PIP4P2: variants seen among roughly 807,000 people sequenced by gnomAD.
The protein encoded by PIP4P2 is phosphatidylinositol-4,5-bisphosphate 4-phosphatase 2, also known as type 2 phosphatidylinositol 4,5-bisphosphate 4-phosphatase.
A neutral mutation model predicts 33.3 loss-of-function variants in PIP4P2; 19 were observed. The observed-to-expected ratio is 0.57, with a 90% CI of 0.40 to 0.84. The LOEUF is 0.84. Among genes scored for constraint, PIP4P2 ranks in the 40% least tolerant of loss-of-function variants. The pLI is 0.00. For synonymous variants in PIP4P2, 110 were observed against 111.9 expected (o/e 0.98, Z 0.11); for missense variants, 270 against 324.7 (o/e 0.83, Z 1.29).
rs1038218363 is a variant in PIP4P2, at chr8:90,994,595, A to C, written c.*1082T>G. The C allele has an allele frequency of 2.0e-5, 3 of 152,496 alleles. No homozygotes were observed. The highest frequency in any genetic ancestry group is 4.4e-5 in the Non-Finnish European group (3 of 67,936). The allele number at this position is 152,496 out of a possible 1,614,324, so 9.4% of individuals were successfully genotyped here. A position where few individuals can be genotyped will look rare whatever the true frequency, so the allele number is the denominator to read the frequency against. ...GAGCTGATTCCATAAATTTCAATGAATTCTTAGAAAATTATGTTGTTCTTT... is the reference window on the plus strand; with the variant it reads ...GAGCTGATTCCATAAATTTCAATGACTTCTTAGAAAATTATGTTGTTCTTT... On this transcript the variant is annotated 3_prime_UTR_variant, in exon 7 of 7. Coordinates refer to ENST00000285419, the MANE Select transcript of PIP4P2 (RefSeq NM_018710.3).
intron 1 of PIP4P2, among the ~76,000 whole-genome samples, chr8:91,022,104 T>C (rs1812018727): frequency 6.6e-6 from 1 of 152,112 alleles, no homozygotes; most frequent in African/African-American, 2.4e-5. Context: ...TAAAAAAATG[T>C]AGTATGTGGG....
intron 1 of PIP4P2, among the ~76,000 whole-genome samples, chr8:91,029,050 T>TGG (rs1812121341): frequency 6.6e-6 from 1 of 152,156 alleles, no homozygotes; most frequent in African/African-American, 2.4e-5. Flanking sequence ...CCCAGCACTT[T>TGG]GGGAGACCAA....
At chr8:91,019,236 T>A (rs1811964248) in intron 3 of PIP4P2, among the ~76,000 whole-genome samples, 1 of 150,750 alleles carries the variant, frequency 6.6e-6, no homozygotes, top group Admixed American at 6.6e-5. Flanking sequence ...CACTTGCAGG[T>A]GAAGATTAAT....
intron 4 of PIP4P2, 64 bp downstream of exon 4, chr8:91,018,326 G>T (rs1466094427): frequency 1.9e-6 from 3 of 1,606,320 alleles, no homozygotes; most frequent in Non-Finnish European, 2.6e-6. Context: ...ACTATGAGCA[G>T]TGCTCTAATC....
chr8:90,996,794 T>A, intron 5 of PIP4P2, 50 bp from the exon 6 acceptor site: 1 of 1,457,764 alleles, frequency 6.9e-7, no homozygotes. Context: ...ACATAAAAAT[T>A]CTCTATTTCA....
rs915358683 is a variant in PIP4P2, at chr8:91,040,850, A to C, written c.-101T>G. On this transcript the variant is annotated 5_prime_UTR_variant, in exon 1 of 7. Coordinates refer to ENST00000285419, the MANE Select transcript of PIP4P2 (RefSeq NM_018710.3). ...CCTCTGCTGCCGCTGCTGCCGCTGC[A>C]GCTGCTGCTGCTGCCGCCTCCGGGA... 95 of 1,019,472 alleles carry C rather than the reference A, an allele frequency of 9.3e-5. No individual in the cohort carries two copies. Among genetic ancestry groups the C allele is most frequent in the Non-Finnish European group, 1.2e-4 (88 of 715,048 alleles). 63.2% of individuals were successfully genotyped at this position (1,019,472 alleles called of 1,614,324 possible). A position where few individuals can be genotyped will look rare whatever the true frequency, so the allele number is the denominator to read the frequency against.
At chr8:91,027,478 A>G (rs1812099259) in intron 1 of PIP4P2, among the ~76,000 whole-genome samples, 1 of 152,070 alleles carries the variant, frequency 6.6e-6, no homozygotes, top group Non-Finnish European at 1.5e-5. Flanking sequence ...ACTAAGGTCA[A>G]ATCTCAACAT....
rs934341470 is a variant in PIP4P2 at position 90,995,796 on chromosome 8, G to A, written c.655C>T (p.Arg219Ter). 3 of 1,607,020 alleles carry A rather than the reference G, an allele frequency of 1.9e-6. No individual in the cohort carries two copies. Among genetic ancestry groups the A allele is most frequent in the African/African-American group, 1.3e-5 (1 of 74,644 alleles). The part of the protein sequence containing the change: ...LTVGTPDFAR[R>*]FRATYVSWAI... The stretch of plus-strand genomic sequence containing the variant: ...CAAGAAACATAGGTTGCTCGAAATC[G>A]CCTTGCAAAATCTGGGGTGCCAACC... The change falls in exon 7 of 7, where the codon CGA (arginine) becomes TGA (stop). Residue 219 changes from arginine to a stop codon, truncating the protein, a stop_gained. Coordinates refer to ENST00000285419, the MANE Select transcript of PIP4P2 (RefSeq NM_018710.3). LOFTEE classifies it high-confidence loss of function.
intron 4 of PIP4P2, among the ~76,000 whole-genome samples, chr8:91,012,016 T>C (rs574396827): frequency 9.2e-5 from 14 of 152,054 alleles, no homozygotes; most frequent in African/African-American, 3.1e-4. Flanking sequence ...TTGAGAGAAT[T>C]CTCTCTCAGG....
In PIP4P2 at chr8:91,037,179, A is replaced by G. The variant is rs189699714; in HGVS notation, c.106+3465T>C. On this transcript the variant is annotated intron_variant, in intron 1 of 6. Coordinates refer to ENST00000285419, the MANE Select transcript of PIP4P2 (RefSeq NM_018710.3). Reference sequence around the variant, plus strand: ...TCAAGGGGAGGAAACTGAATATCAGAAGACATAGTTCTTTGAAGGGGAAAG... The same window carrying G: ...TCAAGGGGAGGAAACTGAATATCAGGAGACATAGTTCTTTGAAGGGGAAAG... Among the ~76,000 whole-genome samples the G allele has an allele frequency of 2.0e-5, 3 of 152,354 alleles. No homozygotes were observed. The East Asian group carries it at 5.8e-4, about 29-fold the overall frequency.
rs1812196984 is a variant in PIP4P2 at position 91,033,445 on chromosome 8, C to A, written c.106+7199G>T. 2.0e-5 allele frequency among the ~76,000 whole-genome samples: 3 copies of A among 152,316 alleles called. No individual in the cohort carries two copies. In the East Asian group the frequency reaches 5.8e-4, roughly 29 times the overall value. ...AAGTCCTGTTTAAAATACATCCTGACACCAACCACACCTCAGTGCTTCTGT... is the reference window on the plus strand; with the variant it reads ...AAGTCCTGTTTAAAATACATCCTGAAACCAACCACACCTCAGTGCTTCTGT... On this transcript the variant is annotated intron_variant, in intron 1 of 6. Transcript: ENST00000285419.
intron 1 of PIP4P2, among the ~76,000 whole-genome samples, chr8:91,034,867 G>T (rs938583481): frequency 6.6e-6 from 1 of 152,168 alleles, no homozygotes; most frequent in African/African-American, 2.4e-5. Context: ...CTGCCAAAAT[G>T]TATTCAATCT....
chr8:91,010,044 G>A (rs556125690), intron 4 of PIP4P2, among the ~76,000 whole-genome samples: 69 of 151,834 alleles, frequency 4.5e-4, no homozygotes, highest in Non-Finnish European at 4.0e-4. Context: ...CATTAATTAT[G>A]AGAGAATTAC....
At chr8:91,025,407 T>G (rs952591078) in intron 1 of PIP4P2, among the ~76,000 whole-genome samples, 19 of 152,208 alleles carry the variant, frequency 1.2e-4, no homozygotes, top group African/African-American at 4.6e-4. Flanking sequence ...ATCTATTTTA[T>G]GCCAAACAGC....
At chr8:91,029,239 C>T (rs57609704) in intron 1 of PIP4P2, among the ~76,000 whole-genome samples, 6,780 of 151,396 alleles carry the variant, frequency 0.045, 217 homozygotes, top group African/African-American at 0.086. Flanking sequence ...TGCAGTGAGC[C>T]AAGATCGTGC....
intron 1 of PIP4P2, among the ~76,000 whole-genome samples, chr8:91,027,162 C>T (rs552209199): frequency 6.6e-6 from 1 of 152,344 alleles, no homozygotes; most frequent in East Asian, 1.9e-4. Context: ...AGTAATTCCA[C>T]AGCCTTACTA....
chr8:91,020,828 T>C (rs999700779), intron 2 of PIP4P2, among the ~76,000 whole-genome samples: 6 of 152,118 alleles, frequency 3.9e-5, no homozygotes, highest in African/African-American at 1.4e-4. Context: ...AGAAAAACAA[T>C]AGTGACATCC....
At chr8:91,024,457 T>C (rs1485400271) in intron 1 of PIP4P2, 1 of 293,532 alleles carries the variant, frequency 3.4e-6, no homozygotes, top group Non-Finnish European at 6.8e-6. Context: ...AACTTAGATT[T>C]ATTCATTTTG....
intron 1 of PIP4P2, among the ~76,000 whole-genome samples, chr8:91,024,559 G>C (rs1410323326): frequency 6.6e-6 from 1 of 152,098 alleles, no homozygotes; most frequent in Admixed American, 6.5e-5. Context: ...CGGTAGCTGG[G>C]AATACAGGCA....
Sources: gnomAD v4.1 joint callset for allele counts (sites outside exome capture counted in the v4.1 genomes callset) on GRCh38, gnomAD v4.1.1 for gene constraint, MANE v1.5 for transcripts, NCBI Gene and HGNC (gene_info 2026-07-23, HGNC 2026-07-21) for gene names.